Variants in RGS3 observed in about 807,000 individuals in gnomAD.
RGS3 encodes the protein regulator of G-protein signalling 3.
RGS3 carries 80 observed loss-of-function variants against 132.6 expected under a neutral mutation model. The ratio of observed to expected loss-of-function variants is 0.60; its 90% CI spans 0.50 to 0.73. The LOEUF (loss-of-function observed/expected upper bound fraction) is 0.73. RGS3 is among the 30% of genes least tolerant of loss of function. The pLI, the probability that RGS3 is intolerant of heterozygous loss-of-function variation, is 0.00. For missense variants in RGS3, 1,382 were observed against 1,530.8 expected (o/e 0.90, Z 1.62); for synonymous variants, 598 against 620.6 (o/e 0.96, Z 0.54).
intron 16 of RGS3, among the ~76,000 whole-genome samples, chr9:113,519,180 A>C (rs1831816350): frequency 6.6e-6 from 1 of 152,314 alleles, no homozygotes; most frequent in East Asian, 1.9e-4. Context: ...CTGGGACCCA[A>C]GAGTCTCCAG....
chr9:113,594,845 C>A, intron 22 of RGS3, 74 bp from the exon 21 acceptor site: 2 of 1,453,420 alleles, frequency 1.4e-6, no homozygotes, highest in Non-Finnish European at 1.9e-6. Flanking sequence ...TAAACAAAGG[C>A]CGCCTGGCCC....
exon 20 of RGS3, chr9:113,583,799 T>G (rs1304779970): frequency 6.2e-7 from 1 of 1,613,840 alleles, no homozygotes; most frequent in African/African-American, 1.3e-5. Flanking sequence ...GACCCTCTAC[T>G]CACCAAAGAC....
chr9:113,493,811 G>C (rs1171202140), intron 7 of RGS3, among the ~76,000 whole-genome samples: 3 of 152,124 alleles, frequency 2.0e-5, no homozygotes, highest in African/African-American at 7.2e-5. Flanking sequence ...CCTCAGACAG[G>C]CTGTTCAGGT....
intron 7 of RGS3, among the ~76,000 whole-genome samples, chr9:113,490,239 A>G (rs1380318160): frequency 6.6e-6 from 1 of 152,210 alleles, no homozygotes; most frequent in Non-Finnish European, 1.5e-5. Flanking sequence ...AGAAAGTATC[A>G]TATAATAAAC....
intron 3 of RGS3, among the ~76,000 whole-genome samples, chr9:113,469,063 T>C (rs1265170457): frequency 9.3e-5 from 14 of 150,944 alleles, no homozygotes; most frequent in Non-Finnish European, 1.9e-4. Flanking sequence ...TTTTTTTTTT[T>C]TGCCTCATGT....
chr9:113,540,302 T>C (rs1048928683), intron 19 of RGS3, among the ~76,000 whole-genome samples: 4 of 152,144 alleles, frequency 2.6e-5, no homozygotes, highest in African/African-American at 4.8e-5. Flanking sequence ...GAGACAATTA[T>C]ATATTCTTTT....
chr9:113,562,780 G>T (rs1170640898), intron 19 of RGS3, among the ~76,000 whole-genome samples: 4 of 152,202 alleles, frequency 2.6e-5, no homozygotes, highest in Non-Finnish European at 5.9e-5. Context: ...CAGAGCACTG[G>T]ACTGGGAGTT....
At chr9:113,509,838 C>G (rs899493943) in intron 14 of RGS3, among the ~76,000 whole-genome samples, 1 of 152,178 alleles carries the variant, frequency 6.6e-6, no homozygotes, top group South Asian at 2.1e-4. Flanking sequence ...TCTTCTTTCT[C>G]TCCGGTCTGG....
intron 19 of RGS3, among the ~76,000 whole-genome samples, chr9:113,557,616 G>T (rs962744716): frequency 6.6e-6 from 1 of 152,154 alleles, no homozygotes; most frequent in Non-Finnish European, 1.5e-5. Context: ...TCTACTTCTC[G>T]GCTCATCAAC....
chr9:113,531,682 C>A (rs1166833260), intron 18 of RGS3, among the ~76,000 whole-genome samples: 2 of 152,136 alleles, frequency 1.3e-5, no homozygotes, highest in Admixed American at 6.5e-5. Flanking sequence ...TACAGTTATA[C>A]AAATATGGTA....
chr9:113,457,793 C>A (rs556257179), upstream of RGS3, among the ~76,000 whole-genome samples: 4 of 151,788 alleles, frequency 2.6e-5, no homozygotes, highest in East Asian at 7.7e-4. Context: ...TTTTCTTTTT[C>A]ATTTCCTTGG....
In RGS3 at chr9:113,579,492, G is replaced by A. The variant is rs890269313; in HGVS notation, c.2038-3958G>A. Among the ~76,000 whole-genome samples the A allele has an allele frequency of 3.9e-5, 6 of 152,216 alleles. No homozygotes were observed. Among genetic ancestry groups the A allele is most frequent in the Non-Finnish European group, 8.8e-5 (6 of 68,036 alleles). On this transcript the variant is annotated intron_variant, in intron 19 of 24. Coordinates refer to ENST00000350696, the Ensembl canonical transcript of RGS3. This position sits in a 1 kb window ranked among gnomAD's most constrained non-coding sequence, Gnocchi z 4.3. ...CCTGGTCCAGCCAAGCCAAAGAAGT[G>A]ATGGATGGGAAAGACACAGACCCCC...
intron 20 of RGS3, among the ~76,000 whole-genome samples, chr9:113,590,419 T>C (rs866839488): frequency 1.1e-5 from 1 of 87,490 alleles, no homozygotes; most frequent in African/African-American, 4.6e-5. Context: ...CACCCACCCA[T>C]CCATCTATTC....
At chr9:113,509,593 C>T (rs1380696239) in intron 14 of RGS3, among the ~76,000 whole-genome samples, 1 of 152,200 alleles carries the variant, frequency 6.6e-6, no homozygotes, top group Admixed American at 6.5e-5. Flanking sequence ...GCTGGCTGGG[C>T]ATTCCTTGAG....
chr9:113,498,956 G>A (rs866104284), intron 10 of RGS3, among the ~76,000 whole-genome samples: 11 of 150,504 alleles, frequency 7.3e-5, no homozygotes, highest in African/African-American at 2.4e-4. Context: ...ACCGGGCACG[G>A]TGGCTGATGC....
intron 19 of RGS3, among the ~76,000 whole-genome samples, chr9:113,553,459 A>AAAAAAAAAAATATATAT (rs1426114805): frequency 1.7e-5 from 1 of 58,694 alleles, no homozygotes; most frequent in Non-Finnish European, 3.0e-5. Flanking sequence ...AAAAAAAAAA[A>AAAAAAAAAAATATATAT]ATATATATAT....
intron 19 of RGS3, among the ~76,000 whole-genome samples, chr9:113,549,179 C>A (rs1291881728): frequency 6.6e-6 from 1 of 152,292 alleles, no homozygotes; most frequent in Admixed American, 6.5e-5. Context: ...ACAGACAGGC[C>A]AGGGTTCAAA....
chr9:113,552,393 T>C (rs1833376334), intron 19 of RGS3, among the ~76,000 whole-genome samples: 1 of 152,146 alleles, frequency 6.6e-6, no homozygotes, highest in Non-Finnish European at 1.5e-5. Context: ...CTCGGCTCAT[T>C]GCAAGACCCG....
intron 10 of RGS3, among the ~76,000 whole-genome samples, chr9:113,499,829 A>T (rs1830811198): frequency 6.6e-6 from 1 of 152,126 alleles, no homozygotes; most frequent in African/African-American, 2.4e-5. Context: ...TACCTGGCAC[A>T]TGTGTCTAGC....
Sources: gnomAD v4.1 joint callset for allele counts (sites outside exome capture counted in the v4.1 genomes callset) on GRCh38, gnomAD v4.1.1 for gene constraint, Gnocchi (gnomAD v3.1) non-coding constraint, MANE v1.5 for transcripts, NCBI Gene and HGNC (gene_info 2026-07-23, HGNC 2026-07-21) for gene names.